The following CDH22 variants were observed in gnomAD, a reference collection of about 807,000 sequenced individuals.
CDH22 encodes the protein cadherin 22.
In CDH22, 30 loss-of-function variants were observed where a neutral mutation model predicts 58.4. The ratio of observed to expected loss-of-function variants is 0.51; its 90% CI spans 0.38 to 0.70. The LOEUF (loss-of-function observed/expected upper bound fraction) is 0.70, where lower values mean the gene tolerates loss of function less well. Ranked by LOEUF, CDH22 falls within the 30% of genes least tolerant of loss-of-function variation. The pLI is 0.00. For synonymous variants in CDH22, 513 were observed against 558.2 expected, an observed-to-expected ratio of 0.92 and a Z score of 1.14; for missense variants, 1,014 against 1,233.9, an observed-to-expected ratio of 0.82 and a Z score of 2.67.
At chr20:46,307,853 C>A (rs1414576248) in intron 1 of CDH22, among the ~76,000 whole-genome samples, 1 of 152,022 alleles carries the variant, frequency 6.6e-6, no homozygotes, top group Non-Finnish European at 1.5e-5. Context: ...TGGGTCCCAG[C>A]CCTCGCGTCA....
chr20:46,178,079 C>T lies in CDH22; in HGVS notation c.1782G>A (p.Thr594=), dbSNP rs375933453. ...CGCAGCCACAGATGCGGATGGTGAGCGTGCCTGTGCTGCTCAGTGTGGGCG... is the reference window on the plus strand; with the variant it reads ...CGCAGCCACAGATGCGGATGGTGAGTGTGCCTGTGCTGCTCAGTGTGGGCG... ...SGPPTLSSTG[T]LTIRICGCDS... The change falls in exon 11 of 12, where the codon ACG becomes ACA. Residue 594 remains threonine, a synonymous_variant. Coordinates refer to ENST00000537909, the MANE Select transcript of CDH22 (RefSeq NM_021248.3). 170 of 1,613,920 alleles carry T rather than the reference C, an allele frequency of 1.1e-4. No homozygotes were observed. The highest frequency in any genetic ancestry group is 2.5e-4 in the East Asian group (11 of 44,886).
intron 4 of CDH22, among the ~76,000 whole-genome samples, chr20:46,222,742 C>A (rs1318742537): frequency 6.6e-6 from 1 of 152,246 alleles, no homozygotes; most frequent in Non-Finnish European, 1.5e-5. Flanking sequence ...AAATGCCATC[C>A]CTGTCGCCCC....
rs1042124317 is a variant in CDH22, at chr20:46,300,797, C to T, written c.-400+7458G>A. 1.5e-4 allele frequency among the ~76,000 whole-genome samples: 23 copies of T among 152,220 alleles called. No individual in the cohort carries two copies. Among genetic ancestry groups the T allele is most frequent in the Non-Finnish European group, 2.9e-5 (2 of 68,046 alleles). On this transcript the variant is annotated intron_variant, in intron 1 of 11. Coordinates refer to ENST00000537909, the MANE Select transcript of CDH22 (RefSeq NM_021248.3). The surrounding 1 kb of genome is among the most constrained non-coding windows in gnomAD (Gnocchi z 4.4). ...CTCCTGCCAAAAACGTCCCAGTGGT[C>T]CCTGAAGAAATCATCGGACAAGAGC...
chr20:46,216,809 G>A lies in CDH22; in HGVS notation c.838+17C>T, dbSNP rs1387333408. 3 of 1,584,088 alleles carry A rather than the reference G, an allele frequency of 1.9e-6. No individual in the cohort carries two copies. Among genetic ancestry groups the A allele is most frequent in the Non-Finnish European group, 2.6e-6 (3 of 1,155,304 alleles). ...CAGACACACAGACGCGCCTTCCTCTGGGAAGGCCTCACTCACTCTGCGGGA... is the reference window on the plus strand; with the variant it reads ...CAGACACACAGACGCGCCTTCCTCTAGGAAGGCCTCACTCACTCTGCGGGA... On this transcript the variant is annotated intron_variant, in intron 5 of 11. Transcript: ENST00000537909. This position sits in a 1 kb window ranked among gnomAD's most constrained non-coding sequence, Gnocchi z 5.3.
Position 46,181,798 on chromosome 20 carries a change from C to T in CDH22, c.1664-3601G>A, listed in dbSNP as rs954625169. ...TTCTTTCTTTCTTTCTTTCTTTTCT[C>T]TCTCTTTCTCTTTCCTTTCTTTCTT... On this transcript the variant is annotated intron_variant, in intron 10 of 11. Transcript: ENST00000537909. Among the ~76,000 whole-genome samples the T allele has an allele frequency of 1.6e-4, 5 of 30,990 alleles. No homozygotes were observed. The Admixed American group carries it at 2.0e-3, about 12-fold the overall frequency. 20.3% of individuals were successfully genotyped at this position (30,990 alleles called of 152,430 possible). A position where few individuals can be genotyped will look rare whatever the true frequency, so the allele number is the denominator to read the frequency against.
intron 7 of CDH22, among the ~76,000 whole-genome samples, chr20:46,202,648 C>T (rs969650416): frequency 4.6e-5 from 7 of 152,158 alleles, no homozygotes; most frequent in African/African-American, 7.2e-5. Context: ...CCACCATGCC[C>T]GGCCGCCAGA....
intron 8 of CDH22, among the ~76,000 whole-genome samples, chr20:46,197,503 G>T (rs772782822): frequency 2.6e-5 from 4 of 152,164 alleles, no homozygotes; most frequent in Non-Finnish European, 5.9e-5. Context: ...ACACTGGGCC[G>T]GTGATAGGCT....
intron 4 of CDH22, among the ~76,000 whole-genome samples, chr20:46,223,437 T>C (rs879282487): frequency 2.6e-5 from 4 of 152,148 alleles, no homozygotes; most frequent in Non-Finnish European, 5.9e-5. Context: ...GCATGAAGGC[T>C]TCCTCATCAC....
Position 46,300,529 on chromosome 20 carries a change from C to T in CDH22, c.-400+7726G>A, listed in dbSNP as rs1020647947. ...GTGCACACACACATACACACACACT[C>T]CACCTCCCCAGCTCCCCTCCCCTAC... On this transcript the variant is annotated intron_variant, in intron 1 of 11. Coordinates refer to ENST00000537909, the MANE Select transcript of CDH22 (RefSeq NM_021248.3). The surrounding 1 kb of genome is among the most constrained non-coding windows in gnomAD (Gnocchi z 4.4). 6.6e-6 allele frequency among the ~76,000 whole-genome samples: 1 copy of T among 152,208 alleles called. No individual in the cohort carries two copies. The highest frequency in any genetic ancestry group is 2.4e-5 in the African/African-American group (1 of 41,456).
Position 46,244,627 on chromosome 20 carries a change from G to C in CDH22, c.256-3370C>G, listed in dbSNP as rs185997161. On this transcript the variant is annotated intron_variant, in intron 2 of 11. Transcript: ENST00000537909. The stretch of plus-strand genomic sequence containing the variant: ...AGGTGAAGAGACTGAGATGGCCCCC[G>C]GTCTGTTTGACTCCAAAGCCCAGTT... 4.5e-3 allele frequency among the ~76,000 whole-genome samples: 683 copies of C among 152,276 alleles called. 3 individuals carry two copies. The highest frequency in any genetic ancestry group is 0.014 in the Middle Eastern group (4 of 294).
At chr20:46,269,296 A>G (rs1429833612) in intron 1 of CDH22, among the ~76,000 whole-genome samples, 1 of 152,164 alleles carries the variant, frequency 6.6e-6, no homozygotes, top group East Asian at 1.9e-4. Flanking sequence ...TCAAAGCTGG[A>G]AATCCATGAC....
At position 46,181,752 on chromosome 20, in the gene CDH22, C is replaced by CTTCTTTCTTTCTTTCTTTCTTTCT. The variant is rs1191055789; in HGVS notation, c.1664-3579_1664-3556dup. On this transcript the variant is annotated intron_variant, in intron 10 of 11. Coordinates refer to ENST00000537909, the MANE Select transcript of CDH22 (RefSeq NM_021248.3). ...CCTTCCTTCCTTCCTTCCTTCCTTC[C>CTTCTTTCTTTCTTTCTTTCTTTCT]TTCTTTCTTTCTTTCTTTCTTTCTT... 6.9e-3 allele frequency among the ~76,000 whole-genome samples: 181 copies of CTTCTTTCTTTCTTTCTTTCTTTCT among 26,244 alleles called. 10 individuals are homozygous for CTTCTTTCTTTCTTTCTTTCTTTCT. The highest frequency in any genetic ancestry group is 9.5e-3 in the Non-Finnish European group (115 of 12,056). 17.2% of individuals were successfully genotyped at this position (26,244 alleles called of 152,430 possible). A position where few individuals can be genotyped will look rare whatever the true frequency, so the allele number is the denominator to read the frequency against.
chr20:46,246,201 A>T (rs1186189738), intron 2 of CDH22, among the ~76,000 whole-genome samples: 1 of 152,264 alleles, frequency 6.6e-6, no homozygotes, highest in Non-Finnish European at 1.5e-5. Context: ...AAATAAAATG[A>T]GTCCAGGATT....
In CDH22 at chr20:46,257,659, G is replaced by A. The variant is rs531620675; in HGVS notation, c.-399-5966C>T. On this transcript the variant is annotated intron_variant, in intron 1 of 11. Transcript: ENST00000537909. ...TTTTTGGACAGGTTAAACCCCGAAA[G>A]CCTGTTAGGCATAAAGCAGAGATAC... 2.0e-4 allele frequency among the ~76,000 whole-genome samples: 31 copies of A among 152,232 alleles called. 1 individual carries two copies. The highest frequency in any genetic ancestry group is 3.8e-4 in the Non-Finnish European group (26 of 68,052).
intron 1 of CDH22, among the ~76,000 whole-genome samples, chr20:46,279,295 G>C (rs902177152): frequency 6.6e-6 from 1 of 152,222 alleles, no homozygotes; most frequent in Non-Finnish European, 1.5e-5. Context: ...GTCAGTGTGA[G>C]AGAAATATCA....
At position 46,219,627 on chromosome 20, in the gene CDH22, A is replaced by G. The variant is rs74723615; in HGVS notation, c.671-2634T>C. On this transcript the variant is annotated intron_variant, in intron 4 of 11. Transcript: ENST00000537909. ...ATTGTCAAATGGACCCTGGGGCAAG[A>G]TTGGTTGAGAACCACTCGTATAGGA... 3.6e-3 allele frequency among the ~76,000 whole-genome samples: 544 copies of G among 152,324 alleles called. 5 individuals carry two copies. Among genetic ancestry groups the G allele is most frequent in the African/African-American group, 0.013 (524 of 41,556 alleles).
At chr20:46,235,711 C>G (rs1056069602) in intron 3 of CDH22, among the ~76,000 whole-genome samples, 1 of 152,184 alleles carries the variant, frequency 6.6e-6, no homozygotes, top group African/African-American at 2.4e-5. Context: ...CCTGTTGGCT[C>G]TACCTTCAAT....
At chr20:46,192,151 T>C (rs193090027) in intron 8 of CDH22, among the ~76,000 whole-genome samples, 2 of 152,334 alleles carry the variant, frequency 1.3e-5, no homozygotes, top group East Asian at 1.9e-4. Flanking sequence ...TCCCCTAGTA[T>C]GTAAGCAGAA....
Position 46,174,475 on chromosome 20 carries a change from A to G in CDH22, c.*31T>C, listed in dbSNP as rs1223848633. 4.3e-6 allele frequency: 6 copies of G among 1,401,490 alleles called. No homozygotes were observed. The Admixed American group carries it at 1.5e-4, about 35-fold the overall frequency. The allele number at this position is 1,401,490 out of a possible 1,614,324, so 86.8% of individuals were successfully genotyped here. A position where few individuals can be genotyped will look rare whatever the true frequency, so the allele number is the denominator to read the frequency against. ...GGCCCCGGCGTGTGCTGGGCGGGTG[A>G]GCAGCCGCGCCCCGACGGCAGGGCG... On this transcript the variant is annotated 3_prime_UTR_variant, in exon 12 of 12. Transcript: ENST00000537909. This position sits in a 1 kb window ranked among gnomAD's most constrained non-coding sequence, Gnocchi z 4.4.
Sources: allele counts gnomAD v4.1 joint callset (sites outside exome capture counted in the v4.1 genomes callset), GRCh38; gene constraint gnomAD v4.1.1; non-coding constraint Gnocchi (gnomAD v3.1); transcripts MANE v1.5; gene names NCBI Gene and HGNC (gene_info 2026-07-23, HGNC 2026-07-21).